Variants in EXT1 observed in about 807,000 individuals in gnomAD.
EXT1 encodes exostosin-1.
Under a neutral mutation model 82.5 loss-of-function variants are expected in EXT1, and 20 were observed. That is an observed-to-expected ratio of 0.24 (90% CI 0.17 to 0.35). EXT1 has a LOEUF of 0.35. Ranked by LOEUF, EXT1 falls within the 10% of genes least tolerant of loss-of-function variation. The pLI is 1.00. For synonymous variants in EXT1, 348 were observed against 350.8 expected (o/e 0.99, Z 0.09); for missense variants, 757 against 936.5 (o/e 0.81, Z 2.50).
chr8:118,093,268 CAAA>C (rs10594150), intron 1 of EXT1, among the ~76,000 whole-genome samples: 3,802 of 66,852 alleles, frequency 0.057, 48 homozygotes, highest in South Asian at 0.093. Context: ...AAATTCCCAG[CAAA>C]AAAAAAAAAA....
At chr8:117,897,254 G>A (rs1469619608) in intron 1 of EXT1, among the ~76,000 whole-genome samples, 2 of 152,194 alleles carry the variant, frequency 1.3e-5, no homozygotes, top group Non-Finnish European at 2.9e-5. Flanking sequence ...GCAGGGCACA[G>A]AGCGTGCACA....
intron 1 of EXT1, among the ~76,000 whole-genome samples, chr8:117,975,586 C>A (rs1347684817): frequency 6.6e-6 from 1 of 152,116 alleles, no homozygotes; most frequent in Non-Finnish European, 1.5e-5. Context: ...CTCATTCATG[C>A]TCTCTCATCA....
intron 1 of EXT1, among the ~76,000 whole-genome samples, chr8:117,962,161 A>G (rs1410773285): frequency 1.3e-5 from 2 of 152,160 alleles, no homozygotes; most frequent in Non-Finnish European, 2.9e-5. Flanking sequence ...AGGCAAAACT[A>G]CCACTTCCTG....
At position 118,048,681 on chromosome 8, in the gene EXT1, T is replaced by C. The variant is rs570473812; in HGVS notation, c.962+61404A>G. ...CTATGTCTACTATAATATTTGTATA[T>C]GTGTAAAAAACTGAAGATTAAAAAT... On this transcript the variant is annotated intron_variant, in intron 1 of 10. Coordinates refer to ENST00000378204, the MANE Select transcript of EXT1 (RefSeq NM_000127.3). 1.1e-3 allele frequency among the ~76,000 whole-genome samples: 160 copies of C among 152,236 alleles called. 1 individual carries two copies. Among genetic ancestry groups the C allele is most frequent in the Admixed American group, 1.6e-3 (25 of 15,292 alleles).
intron 1 of EXT1, among the ~76,000 whole-genome samples, chr8:118,030,928 C>G (rs940524337): frequency 6.6e-6 from 1 of 152,198 alleles, no homozygotes; most frequent in African/African-American, 2.4e-5. Context: ...TTCACTCTTA[C>G]GTTTCTAAAG....
intron 9 of EXT1, among the ~76,000 whole-genome samples, chr8:117,805,830 C>G (rs1823228424): frequency 6.6e-6 from 1 of 152,234 alleles, no homozygotes. Context: ...GGCAATCTTA[C>G]TCCAGTCCCC....
At chr8:117,894,770 C>T (rs1185998610) in intron 1 of EXT1, among the ~76,000 whole-genome samples, 2 of 152,144 alleles carry the variant, frequency 1.3e-5, no homozygotes, top group Non-Finnish European at 2.9e-5. Context: ...AGAGAGGCTG[C>T]GACTGATCTG....
intron 1 of EXT1, among the ~76,000 whole-genome samples, chr8:117,895,053 T>G (rs77756209): frequency 0.014 from 2,097 of 152,290 alleles, 33 homozygotes; most frequent in Middle Eastern, 0.054. Context: ...TGTCACAACC[T>G]CTGATGGGTG....
chr8:117,972,905 T>A (rs1188341096), intron 1 of EXT1, among the ~76,000 whole-genome samples: 1 of 151,914 alleles, frequency 6.6e-6, no homozygotes, highest in Admixed American at 6.6e-5. Context: ...TCCCACCAGA[T>A]CCCTCCCATG....
chr8:117,938,279 T>C (rs1457002626), intron 1 of EXT1, among the ~76,000 whole-genome samples: 1 of 151,964 alleles, frequency 6.6e-6, no homozygotes, highest in East Asian at 1.9e-4. Context: ...CTGGCCAACA[T>C]GGTAAAACTC....
intron 1 of EXT1, among the ~76,000 whole-genome samples, chr8:118,019,846 C>A (rs1816069762): frequency 6.6e-6 from 1 of 152,296 alleles, no homozygotes. Flanking sequence ...CTCTTAGCCA[C>A]CAGGAACACT....
intron 1 of EXT1, among the ~76,000 whole-genome samples, chr8:117,984,218 A>G (rs527633104): frequency 6.6e-6 from 1 of 152,236 alleles, no homozygotes; most frequent in African/African-American, 2.4e-5. Context: ...CAGAAGCTCC[A>G]GACCAGCCTG....
At chr8:117,973,509 T>C (rs985548506) in intron 1 of EXT1, among the ~76,000 whole-genome samples, 8 of 152,150 alleles carry the variant, frequency 5.3e-5, no homozygotes, top group African/African-American at 1.9e-4. Context: ...CTCTACATCT[T>C]TTTTAAAAAG....
intron 1 of EXT1, among the ~76,000 whole-genome samples, chr8:118,006,676 T>A (rs1815782386): frequency 1.3e-5 from 2 of 152,212 alleles, no homozygotes; most frequent in African/African-American, 2.4e-5. Flanking sequence ...CCATCTAAAC[T>A]GTCTGAATCT....
intron 1 of EXT1, among the ~76,000 whole-genome samples, chr8:118,072,742 T>TACTA (rs1357815404): frequency 3.3e-5 from 5 of 152,236 alleles, no homozygotes; most frequent in Non-Finnish European, 7.3e-5. Flanking sequence ...TCTTCCATCA[T>TACTA]ACTAACATCT....
intron 9 of EXT1, 95 bp downstream of exon 9, chr8:117,807,122 T>C (rs1823249201): frequency 6.7e-6 from 10 of 1,481,824 alleles, no homozygotes; most frequent in East Asian, 4.5e-5. Context: ...TTTTCCTCAA[T>C]GCTGTTAACA....
intron 1 of EXT1, among the ~76,000 whole-genome samples, chr8:117,877,616 T>G (rs1435849721): frequency 8.5e-5 from 13 of 152,188 alleles, no homozygotes; most frequent in Non-Finnish European, 1.5e-5. Context: ...TTTACAGTAA[T>G]GCTACTTAAA....
chr8:117,931,920 G>A (rs897014371), intron 1 of EXT1, among the ~76,000 whole-genome samples: 2 of 152,272 alleles, frequency 1.3e-5, no homozygotes, highest in East Asian at 1.9e-4. Context: ...TGAGTCTCAA[G>A]CTTAAGTAAT....
chr8:117,956,590 G>C (rs555859936), intron 1 of EXT1, among the ~76,000 whole-genome samples: 2 of 152,122 alleles, frequency 1.3e-5, no homozygotes, highest in South Asian at 2.1e-4. Flanking sequence ...CTACAGGCAC[G>C]CATCACCATA....
Sources: allele counts gnomAD v4.1 joint callset (sites outside exome capture counted in the v4.1 genomes callset), GRCh38; gene constraint gnomAD v4.1.1; transcripts MANE v1.5; gene names NCBI Gene and HGNC (gene_info 2026-07-23, HGNC 2026-07-21).